The following DPP6 variants were observed in gnomAD, a reference collection of about 807,000 sequenced individuals.
The protein encoded by DPP6 is dipeptidyl peptidase like 6.
A neutral mutation model predicts 122.6 loss-of-function variants in DPP6; 69 were observed. That is an observed-to-expected ratio of 0.56 (90% CI 0.46 to 0.69). The LOEUF is 0.69. Among genes scored for constraint, DPP6 ranks in the 30% least tolerant of loss-of-function variants. The pLI, the probability that DPP6 is intolerant of heterozygous loss-of-function variation, is 0.00. For synonymous variants in DPP6, 418 were observed against 433.1 expected, an observed-to-expected ratio of 0.97 and a Z score of 0.43; for missense variants, 928 against 1,116.9, an observed-to-expected ratio of 0.83 and a Z score of 2.41.
the DPP6 span, among the ~76,000 whole-genome samples, chr7:153,850,165 G>C: frequency 4.5e-4 from 69 of 152,250 alleles, no homozygotes; most frequent in African/African-American, 1.5e-3. Context: ...ACACAGCTTA[G>C]GTGGCTTTGC....
At chr7:153,757,065 TA>T in the DPP6 span, among the ~76,000 whole-genome samples, 64,815 of 151,610 alleles carry the variant, frequency 0.43, 13,104 homozygotes, top group East Asian at 0.67. Context: ...TGGAATTTTA[TA>T]GGACCCTCAA....
chr7:153,993,007 T>G (rs1228094628), intron 1 of DPP6, among the ~76,000 whole-genome samples: 1 of 152,112 alleles, frequency 6.6e-6, no homozygotes, highest in African/African-American at 2.4e-5. Flanking sequence ...CCGGTATACT[T>G]GGTAATTCTA....
At chr7:154,711,263 T>G (rs1324619108) in intron 7 of DPP6, among the ~76,000 whole-genome samples, 4 of 152,224 alleles carry the variant, frequency 2.6e-5, no homozygotes, top group African/African-American at 9.6e-5. Flanking sequence ...ATAAATAGTT[T>G]TCCCTAGTCT....
chr7:153,975,242 A>T (rs56347780), intron 1 of DPP6, among the ~76,000 whole-genome samples: 13,598 of 26,178 alleles, frequency 0.52, 2,146 homozygotes, highest in African/African-American at 0.58. Context: ...TTCTTAGTTT[A>T]AAAAAAAAAA....
chr7:154,666,200 T>TACATATATGTGTGTATATATATATATAC (rs1563080224), intron 6 of DPP6, among the ~76,000 whole-genome samples: 6 of 102,504 alleles, frequency 5.9e-5, no homozygotes, highest in African/African-American at 1.8e-4. Flanking sequence ...TATATATATA[T>TACATATATGTGTGTATATATATATATAC]ACACATATAC....
At chr7:154,644,414 G>A (rs1419362252) in intron 6 of DPP6, among the ~76,000 whole-genome samples, 1 of 152,188 alleles carries the variant, frequency 6.6e-6, no homozygotes, top group Non-Finnish European at 1.5e-5. Flanking sequence ...CTTGTGAGTT[G>A]AGCCTGGTGC....
At chr7:154,103,791 G>A (rs566696575) in intron 1 of DPP6, among the ~76,000 whole-genome samples, 1 of 152,332 alleles carries the variant, frequency 6.6e-6, no homozygotes, top group South Asian at 2.1e-4. Flanking sequence ...GCTTCTTTCA[G>A]CTTCTCCTGC....
At chr7:154,492,077 C>T (rs1016778270) in intron 3 of DPP6, among the ~76,000 whole-genome samples, 80 of 152,286 alleles carry the variant, frequency 5.3e-4, no homozygotes, top group Non-Finnish European at 4.6e-4. Flanking sequence ...AAAAGTGCTG[C>T]TAGGTGCCTA....
rs140379098 is a variant in DPP6, at chr7:154,812,645, C to G, written c.1666+5533C>G. Among the ~76,000 whole-genome samples, 1,274 of 152,304 alleles carry G rather than the reference C, an allele frequency of 8.4e-3. 19 individuals carry two copies. Among genetic ancestry groups the G allele is most frequent in the African/African-American group, 0.029 (1,193 of 41,562 alleles). On this transcript the variant is annotated intron_variant, in intron 16 of 25. Transcript: ENST00000377770. The stretch of plus-strand genomic sequence containing the variant: ...CCACTCTTGGGACCTAATCACCTCT[C>G]AAAGGCCCCACCTCTTAATACCATC...
chr7:154,588,079 G>A (rs773598428), intron 5 of DPP6: 17 of 1,603,448 alleles, frequency 1.1e-5, no homozygotes, highest in South Asian at 8.8e-5. Flanking sequence ...GAGAGCAACC[G>A]AGTGAGCCTT....
chr7:154,181,567 T>TC (rs1330741587), intron 1 of DPP6, among the ~76,000 whole-genome samples: 1 of 152,168 alleles, frequency 6.6e-6, no homozygotes, highest in African/African-American at 2.4e-5. Context: ...CCTAAACTAT[T>TC]CATTTCTACC....
At chr7:154,245,494 G>C (rs1801916833) in intron 1 of DPP6, among the ~76,000 whole-genome samples, 1 of 151,628 alleles carries the variant, frequency 6.6e-6, no homozygotes, top group South Asian at 2.1e-4. Context: ...AATTAGCCAG[G>C]CATGGTGGCG....
At chr7:154,714,280 G>A (rs528772157) in intron 7 of DPP6, among the ~76,000 whole-genome samples, 4 of 152,220 alleles carry the variant, frequency 2.6e-5, no homozygotes, top group Non-Finnish European at 5.9e-5. Context: ...CCTTCAACCC[G>A]TTCCAACCTC....
chr7:154,776,896 G>A (rs1361361438), intron 10 of DPP6, among the ~76,000 whole-genome samples: 1 of 152,226 alleles, frequency 6.6e-6, no homozygotes, highest in Non-Finnish European at 1.5e-5. Context: ...GACATGCAGA[G>A]GTTTCTGGAA....
At chr7:154,172,096 C>T (rs953919156) in intron 1 of DPP6, among the ~76,000 whole-genome samples, 11 of 151,884 alleles carry the variant, frequency 7.2e-5, no homozygotes, top group Non-Finnish European at 1.2e-4. Flanking sequence ...CACTGAGCCT[C>T]ATTGCAATAC....
chr7:154,799,946 T>C (rs1399165840), intron 12 of DPP6, among the ~76,000 whole-genome samples: 1 of 152,210 alleles, frequency 6.6e-6, no homozygotes, highest in Non-Finnish European at 1.5e-5. Context: ...AAGGTAGAGA[T>C]GACATCACAA....
chr7:154,489,507 A>C (rs542384271), intron 3 of DPP6, among the ~76,000 whole-genome samples: 1 of 152,296 alleles, frequency 6.6e-6, no homozygotes, highest in African/African-American at 2.4e-5. Flanking sequence ...AAATGTGTAG[A>C]AATAGATATA....
chr7:154,810,459 T>C (rs1455711393), intron 16 of DPP6, among the ~76,000 whole-genome samples: 1 of 152,196 alleles, frequency 6.6e-6, no homozygotes, highest in Admixed American at 6.5e-5. Flanking sequence ...GAGAGCACTA[T>C]AGGGTGGCTC....
At chr7:154,614,729 G>A (rs192158815) in intron 5 of DPP6, among the ~76,000 whole-genome samples, 2 of 151,698 alleles carry the variant, frequency 1.3e-5, no homozygotes, top group African/African-American at 2.4e-5. Context: ...TGAGATATTA[G>A]CATTAACCAT....
Sources: gnomAD v4.1 joint callset for allele counts (sites outside exome capture counted in the v4.1 genomes callset) on GRCh38, gnomAD v4.1.1 for gene constraint, MANE v1.5 for transcripts, NCBI Gene and HGNC (gene_info 2026-07-23, HGNC 2026-07-21) for gene names.